The following MTUS2 variants were observed in gnomAD, a reference collection of about 807,000 sequenced individuals.
MTUS2 encodes the protein microtubule-associated tumor suppressor candidate 2.
A neutral mutation model predicts 114.1 loss-of-function variants in MTUS2; 40 were observed. That is an observed-to-expected ratio of 0.35 (90% CI 0.27 to 0.46). The LOEUF (loss-of-function observed/expected upper bound fraction) is 0.46. Among genes scored for constraint, MTUS2 ranks in the 20% least tolerant of loss-of-function variants. The pLI is 1.00. For synonymous variants in MTUS2, 688 were observed against 672.0 expected (o/e 1.02, Z -0.37); for missense variants, 1,679 against 1,705.4 (o/e 0.98, Z 0.27).
In MTUS2 at chr13:29,395,515, G is replaced by A. The variant is rs1165906318; in HGVS notation, c.3117+36042G>A. Reference sequence around the variant, plus strand: ...CTGTTAACTGAGATGAGGAAAAGAAGAGGGAGATGTCAGTTGAGAAGGTAG... The same window carrying A: ...CTGTTAACTGAGATGAGGAAAAGAAAAGGGAGATGTCAGTTGAGAAGGTAG... On this transcript the variant is annotated intron_variant, in intron 8 of 15. Transcript: ENST00000612955. 2.0e-5 allele frequency among the ~76,000 whole-genome samples: 3 copies of A among 152,318 alleles called. No homozygotes were observed. The East Asian group carries it at 5.8e-4, about 29-fold the overall frequency.
intron 4 of MTUS2, among the ~76,000 whole-genome samples, chr13:29,083,250 T>A (rs1363637167): frequency 2.0e-5 from 3 of 152,202 alleles, no homozygotes; most frequent in Non-Finnish European, 4.4e-5. Flanking sequence ...GGTGAGTTTT[T>A]ATTTGTATGT....
chr13:29,024,350 A>G, intron 2 of MTUS2, 107 bp from the exon 3 acceptor site: 1 of 248,592 alleles, frequency 4.0e-6, no homozygotes, highest in East Asian at 6.4e-5. Context: ...TATTGATTGA[A>G]TGAAATAATA....
intron 5 of MTUS2, among the ~76,000 whole-genome samples, chr13:29,228,525 G>A (rs539813950): frequency 1.3e-3 from 201 of 152,228 alleles, no homozygotes; most frequent in African/African-American, 4.2e-3. Flanking sequence ...TCACTATGTT[G>A]CCCAGGCTGG....
intron 5 of MTUS2, among the ~76,000 whole-genome samples, chr13:29,259,831 A>G (rs1456259888): frequency 6.6e-6 from 1 of 152,182 alleles, no homozygotes; most frequent in Non-Finnish European, 1.5e-5. Flanking sequence ...ACCTTTCTTT[A>G]GTGTGTACCA....
chr13:29,239,620 G>A (rs764995021), intron 5 of MTUS2: 3 of 152,180 alleles, frequency 2.0e-5, no homozygotes, highest in Non-Finnish European at 4.4e-5. Flanking sequence ...TGGTCTAGTG[G>A]GACGGGCAGA....
At chr13:29,392,050 C>T (rs187401192) in intron 8 of MTUS2, among the ~76,000 whole-genome samples, 1 of 150,362 alleles carries the variant, frequency 6.7e-6, no homozygotes, top group Non-Finnish European at 1.5e-5. Context: ...ATCACTTGAA[C>T]CCAGGAGGTG....
At chr13:29,193,541 G>A (rs1028087742) in intron 5 of MTUS2, among the ~76,000 whole-genome samples, 8 of 152,156 alleles carry the variant, frequency 5.3e-5, no homozygotes, top group Non-Finnish European at 7.3e-5. Context: ...TACAAGGGAC[G>A]TGAAGGACCT....
chr13:28,896,735 A>G (rs1277494966), intron 2 of MTUS2, among the ~76,000 whole-genome samples: 1 of 152,236 alleles, frequency 6.6e-6, no homozygotes, highest in East Asian at 1.9e-4. Context: ...CACAGCCCTC[A>G]GAAATAATGC....
intron 5 of MTUS2, among the ~76,000 whole-genome samples, chr13:29,160,126 A>G (rs1330460745): frequency 2.6e-5 from 4 of 152,102 alleles, no homozygotes; most frequent in Non-Finnish European, 2.9e-5. Context: ...TGATTAAACA[A>G]CTGTGGCACA....
intron 2 of MTUS2, among the ~76,000 whole-genome samples, chr13:28,960,291 A>G (rs1043865976): frequency 6.6e-6 from 1 of 152,214 alleles, no homozygotes; most frequent in Non-Finnish European, 1.5e-5. Context: ...GGATTATAAA[A>G]TGGTACAAAG....
At chr13:29,436,412 G>C (rs78474379) in intron 8 of MTUS2, among the ~76,000 whole-genome samples, 1,834 of 152,306 alleles carry the variant, frequency 0.012, 45 homozygotes, top group African/African-American at 0.041. Flanking sequence ...GTGTCTGGAG[G>C]AGTAAATGAC....
chr13:28,922,378 G>C (rs1881091364), intron 2 of MTUS2, among the ~76,000 whole-genome samples: 1 of 152,192 alleles, frequency 6.6e-6, no homozygotes, highest in Admixed American at 6.5e-5. Flanking sequence ...TCTGAATCCA[G>C]CTCAGCACTA....
intron 2 of MTUS2, among the ~76,000 whole-genome samples, chr13:28,954,263 G>C (rs1342916146): frequency 1.3e-5 from 2 of 152,112 alleles, no homozygotes; most frequent in African/African-American, 2.4e-5. Context: ...TCATTTTGGT[G>C]TATTTCAGTG....
At chr13:29,323,408 C>T (rs1294262399) in intron 6 of MTUS2, among the ~76,000 whole-genome samples, 1 of 150,462 alleles carries the variant, frequency 6.6e-6, no homozygotes, top group Non-Finnish European at 1.5e-5. Context: ...CACCACCATG[C>T]CTGGCTAATT....
intron 5 of MTUS2, among the ~76,000 whole-genome samples, chr13:29,216,435 C>A (rs1895685430): frequency 6.6e-6 from 1 of 152,180 alleles, no homozygotes; most frequent in Non-Finnish European, 1.5e-5. Context: ...AAAGAAACTC[C>A]CGCAGCTAGC....
At chr13:29,005,312 G>A (rs117374334) in intron 2 of MTUS2, among the ~76,000 whole-genome samples, 1,633 of 152,264 alleles carry the variant, frequency 0.011, 14 homozygotes, top group Middle Eastern at 0.017. Flanking sequence ...AAGTAGTGCT[G>A]GCCCAGCAGC....
chr13:28,906,205 G>T (rs1353106073), intron 2 of MTUS2, among the ~76,000 whole-genome samples: 2 of 151,360 alleles, frequency 1.3e-5, no homozygotes, highest in South Asian at 2.1e-4. Context: ...CAAAAATCCA[G>T]CTCCTGGATT....
chr13:28,956,915 C>T (rs929619815), intron 2 of MTUS2, among the ~76,000 whole-genome samples: 1 of 132,884 alleles, frequency 7.5e-6, no homozygotes, highest in African/African-American at 3.0e-5. Context: ...AGGCTGCCCT[C>T]GAGATGGGCG....
At chr13:29,269,223 C>T (rs557683514) in intron 5 of MTUS2, among the ~76,000 whole-genome samples, 1 of 152,256 alleles carries the variant, frequency 6.6e-6, no homozygotes, top group African/African-American at 2.4e-5. Context: ...ATAACTCAAT[C>T]TCTTCCTGGA....
Sources: allele counts gnomAD v4.1 joint callset (sites outside exome capture counted in the v4.1 genomes callset), GRCh38; gene constraint gnomAD v4.1.1; transcripts MANE v1.5; gene names NCBI Gene and HGNC (gene_info 2026-07-23, HGNC 2026-07-21).